The following FTO variants were observed in gnomAD, a reference collection of about 807,000 sequenced individuals.
The protein encoded by FTO is alpha-ketoglutarate-dependent dioxygenase FTO.
A neutral mutation model predicts 63.9 loss-of-function variants in FTO; 47 were observed. That is an observed-to-expected ratio of 0.74 (90% confidence interval 0.58 to 0.94). The LOEUF is 0.94. Among genes scored for constraint, FTO ranks in the 40% least tolerant of loss-of-function variants. FTO has a pLI of 0.00. For synonymous variants in FTO, 207 were observed against 224.4 expected, an observed-to-expected ratio of 0.92 and a Z score of 0.69; for missense variants, 562 against 618.1, an observed-to-expected ratio of 0.91 and a Z score of 0.96.
At position 54,112,008 on chromosome 16, in the gene FTO, C is replaced by T. The variant is rs757006993; in HGVS notation, c.*93C>T. Reference sequence around the variant, plus strand: ...TTAAGCAAGAGCAGTGGAGACTTCTCTTGGCCCCTAGATTGTAGCACCCGG... The same window carrying T: ...TTAAGCAAGAGCAGTGGAGACTTCTTTTGGCCCCTAGATTGTAGCACCCGG... On this transcript the variant is annotated 3_prime_UTR_variant, in exon 9 of 9. Transcript: ENST00000471389. 1 of 1,402,414 alleles carries T rather than the reference C, an allele frequency of 7.1e-7. No individual in the cohort carries two copies. The highest frequency in any genetic ancestry group is 1.0e-6 in the Non-Finnish European group (1 of 991,820). The allele number at this position is 1,402,414 out of a possible 1,614,324, so 86.9% of individuals were successfully genotyped here.
At chr16:53,917,260 C>T (rs1429111347) in intron 7 of FTO, among the ~76,000 whole-genome samples, 1 of 152,160 alleles carries the variant, frequency 6.6e-6, no homozygotes, top group African/African-American at 2.4e-5. Context: ...TGCATTCCTG[C>T]CTCACAGAAA....
At chr16:53,894,881 A>G (rs2081238981) in intron 7 of FTO, among the ~76,000 whole-genome samples, 1 of 152,170 alleles carries the variant, frequency 6.6e-6, no homozygotes, top group South Asian at 2.1e-4. Context: ...TTAGAGGTGG[A>G]TAAAGAGTCA....
chr16:53,970,041 G>T (rs62035801), intron 8 of FTO, among the ~76,000 whole-genome samples: 10,478 of 152,192 alleles, frequency 0.069, 431 homozygotes, highest in South Asian at 0.14. Context: ...CGGAGGAGGC[G>T]AGGTGTGGCC....
At chr16:54,003,506 T>C (rs2084119119) in intron 8 of FTO, among the ~76,000 whole-genome samples, 2 of 152,178 alleles carry the variant, frequency 1.3e-5, no homozygotes, top group Admixed American at 6.5e-5. Flanking sequence ...ATATAGAGCT[T>C]TCCTTTTTTA....
chr16:54,067,170 CTTA>C (rs2085752836), intron 8 of FTO, among the ~76,000 whole-genome samples: 2 of 139,920 alleles, frequency 1.4e-5, no homozygotes, highest in East Asian at 3.9e-4. Context: ...TTTGAATAGA[CTTA>C]AAAAAAAAAA....
chr16:53,877,153 G>A (rs1490161027), intron 5 of FTO, among the ~76,000 whole-genome samples: 1 of 152,200 alleles, frequency 6.6e-6, no homozygotes, highest in African/African-American at 2.4e-5. Context: ...AGCCACTTTG[G>A]GAAACAGTCT....
chr16:53,926,865 T>G (rs934385573), intron 7 of FTO, among the ~76,000 whole-genome samples: 1 of 150,990 alleles, frequency 6.6e-6, no homozygotes, highest in Non-Finnish European at 1.5e-5. Context: ...AAAAAAAAAA[T>G]CATTTTTTGT....
chr16:53,953,950 G>A (rs769926002), intron 8 of FTO, among the ~76,000 whole-genome samples: 6 of 152,312 alleles, frequency 3.9e-5, no homozygotes, highest in African/African-American at 7.2e-5. Context: ...AGTAAAATAC[G>A]CTTCGGAAGC....
At chr16:53,792,075 C>CAAAAA (rs10606857) in intron 1 of FTO, among the ~76,000 whole-genome samples, 3 of 138,664 alleles carry the variant, frequency 2.2e-5, no homozygotes, top group Admixed American at 7.5e-5. Flanking sequence ...GACTTCGTCT[C>CAAAAA]AAAAAAAAAA....
At chr16:53,830,007 C>A (rs1473810626) in intron 3 of FTO, among the ~76,000 whole-genome samples, 1 of 152,176 alleles carries the variant, frequency 6.6e-6, no homozygotes, top group Non-Finnish European at 1.5e-5. Flanking sequence ...TTGCTTCCTG[C>A]TGAAATTAAA....
At chr16:54,076,408 T>C (rs1188072274) in intron 8 of FTO, among the ~76,000 whole-genome samples, 1 of 152,092 alleles carries the variant, frequency 6.6e-6, no homozygotes, top group Non-Finnish European at 1.5e-5. Context: ...ATAATAGCTA[T>C]GCAGAAATGG....
chr16:53,857,986 T>C (rs1182662855), intron 4 of FTO, among the ~76,000 whole-genome samples: 6 of 144,796 alleles, frequency 4.1e-5, no homozygotes, highest in Admixed American at 2.2e-4. Flanking sequence ...GCTCAAAATA[T>C]AAAAGTATCA....
intron 1 of FTO, among the ~76,000 whole-genome samples, chr16:53,749,259 G>T (rs752555514): frequency 4.2e-4 from 64 of 152,044 alleles, no homozygotes; most frequent in Non-Finnish European, 7.5e-4. Flanking sequence ...CATATCATCA[G>T]CAAACAGCAA....
intron 8 of FTO, among the ~76,000 whole-genome samples, chr16:54,041,311 G>A (rs1382653353): frequency 6.6e-6 from 1 of 152,080 alleles, no homozygotes; most frequent in South Asian, 2.1e-4. Context: ...ATCAGATCTC[G>A]TGAGAACTCC....
intron 3 of FTO, among the ~76,000 whole-genome samples, chr16:53,829,866 C>T (rs1055025930): frequency 1.1e-4 from 17 of 151,710 alleles, no homozygotes; most frequent in Admixed American, 2.6e-4. Context: ...ATGAAAACAC[C>T]GAGAAGGGAA....
chr16:54,110,965 G>A (rs1372931733), intron 8 of FTO, among the ~76,000 whole-genome samples: 2 of 152,208 alleles, frequency 1.3e-5, no homozygotes, highest in Non-Finnish European at 2.9e-5. Flanking sequence ...AAATAAGCCA[G>A]TCTCTCTGAG....
chr16:53,858,557 CCTTTTTTTAGAATTAA>C (rs2080075316), intron 4 of FTO, among the ~76,000 whole-genome samples: 2 of 152,268 alleles, frequency 1.3e-5, no homozygotes, highest in South Asian at 4.1e-4. Flanking sequence ...CTCCTTCTCC[CCTTTTTTTAGAATTAA>C]CTTTTATGGA....
At chr16:54,101,173 G>T (rs2086635312) in intron 8 of FTO, among the ~76,000 whole-genome samples, 1 of 149,924 alleles carries the variant, frequency 6.7e-6, no homozygotes, top group African/African-American at 2.5e-5. Context: ...GTGGAGGTTT[G>T]TTACATAGGT....
chr16:53,874,212 G>A (rs1053618933), intron 5 of FTO, among the ~76,000 whole-genome samples: 4 of 152,190 alleles, frequency 2.6e-5, no homozygotes, highest in Admixed American at 6.5e-5. Context: ...AGATTTTTAT[G>A]CTTGTGCATG....
Sources: allele counts gnomAD v4.1 joint callset (sites outside exome capture counted in the v4.1 genomes callset), GRCh38; gene constraint gnomAD v4.1.1; transcripts MANE v1.5; gene names NCBI Gene and HGNC (gene_info 2026-07-23, HGNC 2026-07-21).